Variants in GREM2 observed in about 807,000 individuals in gnomAD.
GREM2 encodes gremlin-2.
In GREM2, 11 loss-of-function variants were observed where a neutral mutation model predicts 14.2. The ratio of observed to expected loss-of-function variants is 0.78; its 90% CI spans 0.49 to 1.28. GREM2 has a LOEUF of 1.28. Ranked by LOEUF, GREM2 falls within the 50% of genes most tolerant of loss-of-function variation. The probability of loss-of-function intolerance (pLI) is 0.00; values close to 1 mark genes in which losing one functional copy is unlikely to be tolerated. For synonymous variants in GREM2, 98 were observed against 97.6 expected, an observed-to-expected ratio of 1.00 and a Z score of -0.02; for missense variants, 210 against 218.5, an observed-to-expected ratio of 0.96 and a Z score of 0.24.
At chr1:240,602,706 T>C (rs1679949109) in intron 1 of GREM2, among the ~76,000 whole-genome samples, 2 of 151,684 alleles carry the variant, frequency 1.3e-5, no homozygotes, top group Non-Finnish European at 2.9e-5. Context: ...TCCCAGGTAC[T>C]TGGGAGGCTT....
chr1:240,607,238 G>A lies in GREM2; in HGVS notation c.-2+4646C>T, dbSNP rs572028153. On this transcript the variant is annotated intron_variant, in intron 1 of 1. Transcript: ENST00000318160. ...CACTTCCGCCTTCTCATTGTAAAGA[G>A]TAAACTCAAGAGAGAGTGTAGACTT... 5.3e-5 allele frequency among the ~76,000 whole-genome samples: 8 copies of A among 152,256 alleles called. No homozygotes were observed. The East Asian group carries it at 1.5e-3, about 29-fold the overall frequency.
rs560708260 is a variant in GREM2 at position 240,517,681 on chromosome 1, T to G, written c.-1-24205A>C. ...TTATGTTTCAAGCCATGGTTCACAA[T>G]TTTTTGTGTGTCATGGCATGCATGT... On this transcript the variant is annotated intron_variant, in intron 1 of 1. Coordinates refer to ENST00000318160, the MANE Select transcript of GREM2 (RefSeq NM_022469.4). Among the ~76,000 whole-genome samples, 3 of 152,328 alleles carry G rather than the reference T, an allele frequency of 2.0e-5. No individual in the cohort carries two copies. In the East Asian group the frequency reaches 5.8e-4, roughly 29 times the overall value.
At chr1:240,585,967 G>A (rs1217714488) in intron 1 of GREM2, among the ~76,000 whole-genome samples, 1 of 150,850 alleles carries the variant, frequency 6.6e-6, no homozygotes, top group Non-Finnish European at 1.5e-5. Flanking sequence ...TTCCCACTTG[G>A]GCCCTCAAAA....
At chr1:240,585,574 A>G (rs1030182379) in intron 1 of GREM2, among the ~76,000 whole-genome samples, 10 of 151,612 alleles carry the variant, frequency 6.6e-5, no homozygotes, top group Non-Finnish European at 1.3e-4. Context: ...TACTATACAC[A>G]CAAAAATTAG....
chr1:240,597,100 A>G (rs112207776), intron 1 of GREM2, among the ~76,000 whole-genome samples: 1 of 152,182 alleles, frequency 6.6e-6, no homozygotes, highest in East Asian at 1.9e-4. Context: ...ATATTTTTCC[A>G]AAGAACTACA....
chr1:240,568,201 G>A (rs989759367), intron 1 of GREM2, among the ~76,000 whole-genome samples: 34 of 152,282 alleles, frequency 2.2e-4, no homozygotes, highest in African/African-American at 7.5e-4. Context: ...CAGAAGGGAT[G>A]AAATGAAAGT....
At chr1:240,548,139 G>C (rs1199877063) in intron 1 of GREM2, among the ~76,000 whole-genome samples, 1 of 151,718 alleles carries the variant, frequency 6.6e-6, no homozygotes, top group Admixed American at 6.6e-5. Flanking sequence ...GCCAGGCGTG[G>C]TGGTATGTGC....
chr1:240,509,245 G>A lies in GREM2; in HGVS notation c.-1-15769C>T, dbSNP rs577072061. On this transcript the variant is annotated intron_variant, in intron 1 of 1. Coordinates refer to ENST00000318160, the MANE Select transcript of GREM2 (RefSeq NM_022469.4). ...GAGGGTCATGTTGAGAGAGGCCCCTGCACCGGGCCCAGTGGACAGGGTGTG... is the reference window on the plus strand; with the variant it reads ...GAGGGTCATGTTGAGAGAGGCCCCTACACCGGGCCCAGTGGACAGGGTGTG... Among the ~76,000 whole-genome samples, 165 of 152,168 alleles carry A rather than the reference G, an allele frequency of 1.1e-3. 2 individuals are homozygous for A. The highest frequency in any genetic ancestry group is 3.9e-3 in the African/African-American group (161 of 41,512).
rs564637774 is a variant in GREM2 at position 240,543,515 on chromosome 1, A to G, written c.-1-50039T>C. Among the ~76,000 whole-genome samples the G allele has an allele frequency of 6.6e-6, 1 of 152,200 alleles. No homozygotes were observed. Among genetic ancestry groups the G allele is most frequent in the Non-Finnish European group, 1.5e-5 (1 of 68,038 alleles). ...CAGTAGGGGGGAAACCGCCCTTGTG[A>G]TTCAATTATTTCCACCTGGCCTTGC... On this transcript the variant is annotated intron_variant, in intron 1 of 1. Transcript: ENST00000318160. The surrounding 1 kb of genome is among the most constrained non-coding windows in gnomAD (Gnocchi z 6.4).
chr1:240,527,536 T>A lies in GREM2; in HGVS notation c.-1-34060A>T, dbSNP rs371481527. Reference sequence around the variant, plus strand: ...GCTTCTCTGCTGACAGGAGAAAACATTTTGAATGTATGTGTTAGTGTGTTT... The same window carrying A: ...GCTTCTCTGCTGACAGGAGAAAACAATTTGAATGTATGTGTTAGTGTGTTT... On this transcript the variant is annotated intron_variant, in intron 1 of 1. Transcript: ENST00000318160. Among the ~76,000 whole-genome samples, 129 of 152,288 alleles carry A rather than the reference T, an allele frequency of 8.5e-4. 2 individuals carry two copies. The highest frequency in any genetic ancestry group is 3.4e-3 in the Middle Eastern group (1 of 294).
At position 240,611,903 on chromosome 1, in the gene GREM2, G is replaced by T. The variant is rs1160685403; in HGVS notation, c.-21C>A. 1 of 152,806 alleles carries T rather than the reference G, an allele frequency of 6.5e-6. No individual in the cohort carries two copies. Among genetic ancestry groups the T allele is most frequent in the Non-Finnish European group, 1.5e-5 (1 of 68,184 alleles). The allele number at this position is 152,806 out of a possible 1,614,324, so 9.5% of individuals were successfully genotyped here. A position where few individuals can be genotyped will look rare whatever the true frequency, so the allele number is the denominator to read the frequency against. ...GCGTACCTGCAATGACGTGATGGAA[G>T]CCTCCTCCTCGGGTCCCTTCTCTCT... On this transcript the variant is annotated 5_prime_UTR_variant, in exon 1 of 2. Transcript: ENST00000318160.
intron 1 of GREM2, among the ~76,000 whole-genome samples, chr1:240,551,991 G>A (rs1572395342): frequency 6.6e-6 from 1 of 152,120 alleles, no homozygotes; most frequent in African/African-American, 2.4e-5. Context: ...AATAGCCCAG[G>A]ACTATGAAGC....
intron 1 of GREM2, among the ~76,000 whole-genome samples, chr1:240,599,241 C>T (rs1363597654): frequency 6.1e-5 from 9 of 146,812 alleles, no homozygotes; most frequent in Admixed American, 1.4e-4. Context: ...CCACTTCAGC[C>T]GGGGCAACAG....
At chr1:240,545,445 C>T (rs977411552) in intron 1 of GREM2, among the ~76,000 whole-genome samples, 6 of 106,452 alleles carry the variant, frequency 5.6e-5, no homozygotes, top group East Asian at 3.0e-4. Flanking sequence ...TCCCTGAGTT[C>T]GGTGTGCTGC....
intron 1 of GREM2, among the ~76,000 whole-genome samples, chr1:240,496,860 A>C (rs1232242681): frequency 6.6e-6 from 1 of 152,144 alleles, no homozygotes. Flanking sequence ...AAATACAAAA[A>C]AATTAGCTGG....
chr1:240,551,539 G>A (rs1462678673), intron 1 of GREM2, among the ~76,000 whole-genome samples: 1 of 152,018 alleles, frequency 6.6e-6, no homozygotes, highest in Admixed American at 6.6e-5. Context: ...AGTAGAGACG[G>A]GGTTTCACAT....
At chr1:240,498,204 A>G (rs1330614172) in intron 1 of GREM2, among the ~76,000 whole-genome samples, 1 of 152,202 alleles carries the variant, frequency 6.6e-6, no homozygotes, top group Non-Finnish European at 1.5e-5. Context: ...CATGTTTTCA[A>G]AACATCTGGC....
At chr1:240,525,501 CT>C (rs201174959) in intron 1 of GREM2, among the ~76,000 whole-genome samples, 105 of 147,612 alleles carry the variant, frequency 7.1e-4, no homozygotes, top group African/African-American at 2.0e-3. Flanking sequence ...ATGTTAATTT[CT>C]TTTTTTTTTT....
At chr1:240,504,992 G>A (rs543438771) in intron 1 of GREM2, among the ~76,000 whole-genome samples, 210 of 152,202 alleles carry the variant, frequency 1.4e-3, no homozygotes, top group Non-Finnish European at 2.3e-3. Context: ...GTTGGAGGTG[G>A]GGCCTGGTGG....
Sources: allele counts gnomAD v4.1 joint callset (sites outside exome capture counted in the v4.1 genomes callset), GRCh38; gene constraint gnomAD v4.1.1; non-coding constraint Gnocchi (gnomAD v3.1); transcripts MANE v1.5; gene names NCBI Gene and HGNC (gene_info 2026-07-23, HGNC 2026-07-21).